The following EDA variants were observed in gnomAD, a reference collection of about 807,000 sequenced individuals.
The protein encoded by EDA is ectodysplasin A.
Under a neutral mutation model 23.6 loss-of-function variants are expected in EDA, and 2 were observed. The ratio of observed to expected loss-of-function variants is 0.08; its 90% confidence interval spans 0.03 to 0.27. The LOEUF is 0.27. Ranked by LOEUF, EDA falls within the 10% of genes least tolerant of loss-of-function variation. The pLI, the probability that EDA is intolerant of heterozygous loss-of-function variation, is 1.00. For synonymous variants in EDA, 131 were observed against 132.0 expected, an observed-to-expected ratio of 0.99 and a Z score of 0.05; for missense variants, 229 against 324.2, an observed-to-expected ratio of 0.71 and a Z score of 2.26.
intron 1 of EDA, among the ~76,000 whole-genome samples, chrX:69,840,746 G>T (rs1602471467): frequency 8.9e-6 from 1 of 111,905 alleles, no homozygotes; most frequent in East Asian, 2.8e-4. Flanking sequence ...GGAAGTCTAA[G>T]ATCAAGCTCC....
intron 1 of EDA, among the ~76,000 whole-genome samples, chrX:69,709,995 G>A (rs1475515431): frequency 8.9e-6 from 1 of 111,864 alleles, no homozygotes; most frequent in African/African-American, 3.2e-5. Context: ...AAGCTCTTGA[G>A]TTTAATTAGA....
rs2013895927 is a variant in EDA, at chrX:69,751,949, T to G, written c.396+135245T>G. The stretch of plus-strand genomic sequence containing the variant: ...TTTGTATCCTGAGACTTTGCTGAAG[T>G]TGCTTATCAGCTTAAGGAGATTTTG... On this transcript the variant is annotated intron_variant, in intron 1 of 7. Coordinates refer to ENST00000374552, the MANE Select transcript of EDA (RefSeq NM_001399.5). Among the ~76,000 whole-genome samples, 3 of 110,722 alleles carry G rather than the reference T, an allele frequency of 2.7e-5. No individual in the cohort carries two copies. The South Asian group carries it at 1.2e-3, about 44-fold the overall frequency.
At chrX:70,031,352 C>A (rs1315709342) in intron 6 of EDA, among the ~76,000 whole-genome samples, 1 of 112,011 alleles carries the variant, frequency 8.9e-6, no homozygotes, top group Non-Finnish European at 1.9e-5. Flanking sequence ...TATGTACACT[C>A]CACTGAATGA....
At chrX:69,726,995 T>G (rs1489062826) in intron 1 of EDA, among the ~76,000 whole-genome samples, 1 of 111,883 alleles carries the variant, frequency 8.9e-6, no homozygotes, top group Non-Finnish European at 1.9e-5. Flanking sequence ...TCTTGGTACC[T>G]GGGCTCTTTT....
intron 1 of EDA, among the ~76,000 whole-genome samples, chrX:69,815,363 G>C (rs1219787304): frequency 9.4e-6 from 1 of 106,755 alleles, no homozygotes; most frequent in Non-Finnish European, 1.9e-5. Context: ...CCCTGCAGGA[G>C]CTTCAGCCAC....
intron 2 of EDA, among the ~76,000 whole-genome samples, chrX:69,964,143 G>T (rs944504901): frequency 9.0e-6 from 1 of 111,316 alleles, no homozygotes; most frequent in African/African-American, 3.3e-5. Flanking sequence ...AGGAGATCTA[G>T]ATTCTAATTC....
intron 1 of EDA, among the ~76,000 whole-genome samples, chrX:69,860,184 T>C (rs1454827867): frequency 1.8e-5 from 2 of 111,506 alleles, no homozygotes; most frequent in Non-Finnish European, 3.8e-5. Context: ...TTATCCAGCT[T>C]GCCACTCTGT....
intron 1 of EDA, among the ~76,000 whole-genome samples, chrX:69,654,949 A>G (rs1388736004): frequency 2.7e-5 from 3 of 109,793 alleles, no homozygotes; most frequent in Non-Finnish European, 5.7e-5. Flanking sequence ...AAGTATAATA[A>G]CAATACAATT....
rs923853717 is a variant in EDA at position 69,851,948 on chromosome X, C to A, written c.397-105079C>A. 2.7e-5 allele frequency among the ~76,000 whole-genome samples: 3 copies of A among 111,959 alleles called. No homozygotes were observed. The Admixed American group carries it at 2.8e-4, about 11-fold the overall frequency. ...ATGCTAAGTTTGAAAAGCACGGGAA[C>A]TTAAAGATCCTAGTATGCTATTGAT... On this transcript the variant is annotated intron_variant, in intron 1 of 7. Coordinates refer to ENST00000374552, the MANE Select transcript of EDA (RefSeq NM_001399.5).
intron 1 of EDA, among the ~76,000 whole-genome samples, chrX:69,849,296 A>G (rs2017077454): frequency 9.0e-6 from 1 of 111,600 alleles, no homozygotes. Context: ...CCCAGTGCTA[A>G]ACTGAATTAA....
At chrX:69,665,355 C>T (rs1201398639) in intron 1 of EDA, among the ~76,000 whole-genome samples, 1 of 111,621 alleles carries the variant, frequency 9.0e-6, no homozygotes, top group East Asian at 2.8e-4. Flanking sequence ...GTGGCTTGAG[C>T]TTTTAGTGTG....
At chrX:70,020,820 G>T (rs2020023411) in intron 2 of EDA, among the ~76,000 whole-genome samples, 1 of 111,469 alleles carries the variant, frequency 9.0e-6, no homozygotes, top group South Asian at 3.7e-4. Flanking sequence ...GTTATCAAAT[G>T]ACATTTTTCA....
At chrX:69,777,421 G>A (rs1203624025) in intron 1 of EDA, among the ~76,000 whole-genome samples, 2 of 111,061 alleles carry the variant, frequency 1.8e-5, no homozygotes, top group Non-Finnish European at 3.8e-5. Flanking sequence ...ACAACTATAC[G>A]TAGTTTGTCA....
At chrX:69,836,286 T>C (rs185516310) in intron 1 of EDA, among the ~76,000 whole-genome samples, 23 of 112,499 alleles carry the variant, frequency 2.0e-4, no homozygotes, top group Admixed American at 4.7e-4. Flanking sequence ...GACAGGGACA[T>C]TTAAGTCTGC....
At chrX:69,698,223 G>A (rs1481707191) in intron 1 of EDA, among the ~76,000 whole-genome samples, 1 of 111,568 alleles carries the variant, frequency 9.0e-6, no homozygotes, top group Non-Finnish European at 1.9e-5. Flanking sequence ...CAGGGACTCC[G>A]AGGGTGTTGC....
chrX:69,952,002 G>T (rs1159045099), intron 1 of EDA, among the ~76,000 whole-genome samples: 1 of 111,921 alleles, frequency 8.9e-6, no homozygotes, highest in African/African-American at 3.3e-5. Flanking sequence ...TGCCTCTGGA[G>T]GCTATGCTAA....
At chrX:69,755,986 G>A (rs1334909413) in intron 1 of EDA, among the ~76,000 whole-genome samples, 2 of 112,085 alleles carry the variant, frequency 1.8e-5, no homozygotes, top group African/African-American at 6.5e-5. Context: ...TGCTAAGAAA[G>A]GGAATTCCCC....
intron 1 of EDA, among the ~76,000 whole-genome samples, chrX:69,651,912 C>A (rs1933119107): frequency 9.0e-6 from 1 of 110,521 alleles, no homozygotes; most frequent in Admixed American, 9.7e-5. Context: ...GTGGAGATCA[C>A]CTGATGAATT....
chrX:69,779,734 A>AGG (rs2014885356), intron 1 of EDA, among the ~76,000 whole-genome samples: 1 of 111,876 alleles, frequency 8.9e-6, no homozygotes, highest in African/African-American at 3.2e-5. Flanking sequence ...TTTCACCTCA[A>AGG]AGAAAACCAA....
Sources: gnomAD v4.1 joint callset for allele counts (sites outside exome capture counted in the v4.1 genomes callset) on GRCh38, gnomAD v4.1.1 for gene constraint, MANE v1.5 for transcripts, NCBI Gene and HGNC (gene_info 2026-07-23, HGNC 2026-07-21) for gene names.